The following TULP3 variants were observed in gnomAD, a reference collection of about 807,000 sequenced individuals.
The protein encoded by TULP3 is tubby-related protein 3.
In TULP3, 38 loss-of-function variants were observed where a neutral mutation model predicts 50.7. The ratio of observed to expected loss-of-function variants is 0.75; its 90% CI spans 0.58 to 0.98. TULP3 has a LOEUF of 0.98. Ranked by LOEUF, TULP3 falls within the 50% of genes least tolerant of loss-of-function variation. TULP3 has a pLI of 0.00. For missense variants in TULP3, 550 were observed against 568.0 expected (o/e 0.97, Z 0.32); for synonymous variants, 183 against 196.6 (o/e 0.93, Z 0.58).
intron 4 of TULP3, among the ~76,000 whole-genome samples, chr12:2,924,716 G>T (rs1356051834): frequency 6.6e-6 from 1 of 150,422 alleles, no homozygotes; most frequent in Admixed American, 6.6e-5. Context: ...GGGTTGGGTG[G>T]AGTGGCTCAT....
intron 3 of TULP3, among the ~76,000 whole-genome samples, chr12:2,921,198 G>A (rs569056088): frequency 1.3e-5 from 2 of 152,056 alleles, no homozygotes; most frequent in Non-Finnish European, 2.9e-5. Flanking sequence ...GAGTGCAATG[G>A]CGCGATCTTG....
chr12:2,906,431 T>G (rs1342237611), intron 1 of TULP3, among the ~76,000 whole-genome samples: 6 of 147,978 alleles, frequency 4.1e-5, no homozygotes, highest in Admixed American at 4.0e-4. Flanking sequence ...TGGGTTCAAG[T>G]GATTCTCCTG....
chr12:2,901,255 C>G (rs1425940888), intron 1 of TULP3, among the ~76,000 whole-genome samples: 1 of 150,122 alleles, frequency 6.7e-6, no homozygotes, highest in African/African-American at 2.5e-5. Flanking sequence ...CTGGGACCAC[C>G]GGAGCGCTCC....
Position 2,938,052 on chromosome 12 carries a change from C to T in TULP3, c.1024-62C>T, listed in dbSNP as rs993779758. The T allele has an allele frequency of 2.5e-6, 4 of 1,571,812 alleles. No individual in the cohort carries two copies. The African/African-American group carries it at 4.1e-5, about 16-fold the overall frequency. On this transcript the variant is annotated intron_variant, in intron 9 of 10. Transcript: ENST00000448120. Reference sequence around the variant, plus strand: ...GAAATGGAGAAAGTATTCTCCTACTCTACCTTCTACCTCGTAGAGTTGGAG... The same window carrying T: ...GAAATGGAGAAAGTATTCTCCTACTTTACCTTCTACCTCGTAGAGTTGGAG...
In TULP3 at chr12:2,918,416, G is replaced by A. The variant is rs145217743; in HGVS notation, c.94-2347G>A. ...CGTGAGCCACCGCGCCCAGCCTACAGTATGTGATTTTGTTTCATCGATCAT... is the reference window on the plus strand; with the variant it reads ...CGTGAGCCACCGCGCCCAGCCTACAATATGTGATTTTGTTTCATCGATCAT... On this transcript the variant is annotated intron_variant, in intron 2 of 10. Coordinates refer to ENST00000448120, the MANE Select transcript of TULP3 (RefSeq NM_003324.5). Among the ~76,000 whole-genome samples, 28 of 151,698 alleles carry A rather than the reference G, an allele frequency of 1.8e-4. No homozygotes were observed. The East Asian group carries it at 4.8e-3, about 26-fold the overall frequency.
chr12:2,890,973 G>T lies in TULP3; in HGVS notation c.26G>T (p.Ser9Ile), dbSNP rs1260709383. ...ATGGAGGCTTCGCGCTGCCGGCTCA[G>T]TCCCAGCGGCGACAGGTCAGACAGG... Reference protein sequence around the residue: MEASRCRLSPSGDSVFHEE... With the variant: MEASRCRLIPSGDSVFHEE... Residue 9 changes from serine (S) to isoleucine (I), a missense_variant, in exon 1 of 11, where the codon AGT becomes ATT. Ser to Ile is a moderately radical substitution (Grantham distance 142). Coordinates refer to ENST00000448120, the MANE Select transcript of TULP3 (RefSeq NM_003324.5). The T allele has an allele frequency of 1.9e-6, 3 of 1,596,764 alleles. No individual in the cohort carries two copies. The South Asian group carries it at 3.4e-5, about 18-fold the overall frequency.
chr12:2,891,565 C>T (rs1281931338), intron 1 of TULP3, among the ~76,000 whole-genome samples: 2 of 152,178 alleles, frequency 1.3e-5, no homozygotes, highest in Admixed American at 1.3e-4. Flanking sequence ...TGTTTGTGCG[C>T]CTCTTTCTCT....
At position 2,939,937 on chromosome 12, in the gene TULP3, A is replaced by G. The variant is rs1190287401; in HGVS notation, c.*493A>G. 1.6e-6 allele frequency: 2 copies of G among 1,271,352 alleles called. No individual in the cohort carries two copies. Among genetic ancestry groups the G allele is most frequent in the Non-Finnish European group, 2.1e-6 (2 of 974,716 alleles). The allele number at this position is 1,271,352 out of a possible 1,614,324, so 78.8% of individuals were successfully genotyped here. On this transcript the variant is annotated 3_prime_UTR_variant, in exon 11 of 11. Transcript: ENST00000448120. The surrounding 1 kb of genome is among the most constrained non-coding windows in gnomAD (Gnocchi z 4.0). ...TTGTCACATTGGGGTCTCCAAAGCT[A>G]GAATGGGATTTCATGTGCTTGGAAA...
At chr12:2,901,296 CTT>C (rs34209864) in intron 1 of TULP3, among the ~76,000 whole-genome samples, 7 of 134,890 alleles carry the variant, frequency 5.2e-5, no homozygotes, top group Non-Finnish European at 9.4e-5. Context: ...TTTTTTTTTT[CTT>C]TCTTTCTTTC....
chr12:2,925,588 G>A (rs766370194), intron 4 of TULP3, among the ~76,000 whole-genome samples: 58 of 152,310 alleles, frequency 3.8e-4, no homozygotes, highest in Non-Finnish European at 7.6e-4. Flanking sequence ...TTTAATAGTT[G>A]TAATAGTGCC....
intron 1 of TULP3, among the ~76,000 whole-genome samples, chr12:2,896,871 A>G (rs530671027): frequency 1.3e-3 from 191 of 152,278 alleles, no homozygotes; most frequent in African/African-American, 4.4e-3. Context: ...AAATTATCAC[A>G]CATCATATGT....
chr12:2,911,814 T>G (rs1229565846), intron 2 of TULP3, among the ~76,000 whole-genome samples: 1 of 151,498 alleles, frequency 6.6e-6, no homozygotes, highest in Non-Finnish European at 1.5e-5. Flanking sequence ...ATCAGATGTA[T>G]ACATTCTGGT....
In TULP3 at chr12:2,931,118, G is replaced by C. The variant is rs772236632; in HGVS notation, c.574G>C (p.Val192Leu). ...LGDIDDLEDF[V>L]YSPAPQGVTV... is the part of the protein sequence containing the mutation. ...AGACATAGACGACCTGGAGGACTTT[G>C]TGTATAGTCCTGCCCCTCAAGGTGT... Residue 192 changes from valine (V) to leucine (L), a missense_variant, in exon 6 of 11, where the codon GTG (valine) becomes CTG (leucine). Val to Leu is a conservative substitution (Grantham distance 32, BLOSUM62 1). Coordinates refer to ENST00000448120, the MANE Select transcript of TULP3 (RefSeq NM_003324.5). The C allele has an allele frequency of 3.4e-5, 55 of 1,614,082 alleles. No individual in the cohort carries two copies. The Middle Eastern group carries it at 9.9e-4, about 29-fold the overall frequency.
intron 1 of TULP3, among the ~76,000 whole-genome samples, chr12:2,901,091 C>A (rs1381698440): frequency 6.6e-6 from 1 of 151,646 alleles, no homozygotes; most frequent in Non-Finnish European, 1.5e-5. Context: ...CGGAAAAGTT[C>A]TTTTGTGAAT....
intron 4 of TULP3, among the ~76,000 whole-genome samples, chr12:2,929,388 T>G (rs1217303474): frequency 6.6e-6 from 1 of 152,146 alleles, no homozygotes; most frequent in Admixed American, 6.5e-5. Flanking sequence ...TAGCTCACTT[T>G]AGCCTCAAAA....
At chr12:2,931,280 A>G (rs1279987821) in intron 6 of TULP3, 40 bp downstream of exon 6, 4 of 1,597,494 alleles carry the variant, frequency 2.5e-6, no homozygotes, top group South Asian at 1.1e-5. Context: ...TGAGAGAGAG[A>G]AGAATGTTGT....
chr12:2,939,293 A>C lies in TULP3; in HGVS notation c.1196-18A>C. On this transcript the variant is annotated intron_variant, in intron 10 of 10. Coordinates refer to ENST00000448120, the MANE Select transcript of TULP3 (RefSeq NM_003324.5). This position sits in a 1 kb window ranked among gnomAD's most constrained non-coding sequence, Gnocchi z 4.0. ...AACCACATTATATTCTAACATGTTG[A>C]TTTCTTTCTGTTTCTAGCTGATTAT... The C allele has an allele frequency of 6.2e-7, 1 of 1,610,868 alleles. No individual in the cohort carries two copies. Among genetic ancestry groups the C allele is most frequent in the Non-Finnish European group, 8.5e-7 (1 of 1,178,792 alleles).
intron 4 of TULP3, among the ~76,000 whole-genome samples, chr12:2,927,415 A>G (rs1345823904): frequency 7.8e-6 from 1 of 128,034 alleles, no homozygotes; most frequent in Non-Finnish European, 1.6e-5. Flanking sequence ...CGCCCAGGCT[A>G]GAGTGCAGTG....
At chr12:2,929,869 A>G (rs764761505) in intron 4 of TULP3, among the ~76,000 whole-genome samples, 28 of 152,108 alleles carry the variant, frequency 1.8e-4, no homozygotes, top group African/African-American at 1.9e-4. Flanking sequence ...GATTACAGGC[A>G]TGAGCCACCG....
Sources: gnomAD v4.1 joint callset for allele counts (sites outside exome capture counted in the v4.1 genomes callset) on GRCh38, gnomAD v4.1.1 for gene constraint, Gnocchi (gnomAD v3.1) non-coding constraint, MANE v1.5 for transcripts, NCBI Gene and HGNC (gene_info 2026-07-23, HGNC 2026-07-21) for gene names.